The following PRSS23 variants were observed in gnomAD, a reference collection of about 807,000 sequenced individuals.
The protein encoded by PRSS23 is protease, serine 23.
In PRSS23, 25 loss-of-function variants were observed where a neutral mutation model predicts 34.7. The observed-to-expected ratio is 0.72, with a 90% CI of 0.53 to 1.01. PRSS23 has a LOEUF of 1.01. Among genes scored for constraint, PRSS23 ranks in the 50% least tolerant of loss-of-function variants. PRSS23 has a pLI of 0.00. For synonymous variants in PRSS23, 176 were observed against 186.6 expected, an observed-to-expected ratio of 0.94 and a Z score of 0.46; for missense variants, 445 against 475.6, an observed-to-expected ratio of 0.94 and a Z score of 0.60.
At chr11:86,920,099 C>T (rs1949038324) in intron 2 of PRSS23, among the ~76,000 whole-genome samples, 1 of 152,160 alleles carries the variant, frequency 6.6e-6, no homozygotes, top group African/African-American at 2.4e-5. Flanking sequence ...TTTAGGGCTG[C>T]TAGTGCAGTC....
At chr11:86,814,020 C>A (rs1747436249), downstream of PRSS23, among the ~76,000 whole-genome samples, 2 of 152,130 alleles carry the variant, frequency 1.3e-5, no homozygotes, top group South Asian at 4.1e-4. Context: ...TGGCTTGGGG[C>A]CTGAGCATCC....
At chr11:86,869,576 G>A (rs1277189825) in intron 2 of PRSS23, among the ~76,000 whole-genome samples, 1 of 152,086 alleles carries the variant, frequency 6.6e-6, no homozygotes, top group Non-Finnish European at 1.5e-5. Flanking sequence ...TTGACTGTTT[G>A]GGGAAATGGG....
At chr11:86,928,345 A>T (rs1167404221) in intron 2 of PRSS23, among the ~76,000 whole-genome samples, 2 of 148,350 alleles carry the variant, frequency 1.3e-5, no homozygotes, top group African/African-American at 4.9e-5. Flanking sequence ...GCATTACATT[A>T]ATATATATAT....
intron 2 of PRSS23, among the ~76,000 whole-genome samples, chr11:86,851,521 G>A (rs1948529347): frequency 6.6e-6 from 1 of 152,254 alleles, no homozygotes. Context: ...GGGCAGGTTG[G>A]ATGCAGGGAG....
rs544549329 is a variant in PRSS23, at chr11:86,827,234, A to G, written c.206+3641A>G. Reference sequence around the variant, plus strand: ...GGTTTAGTCTTGGGAGGGTGTATGCATCGAGGAATTTATCCATTTCTTCCA... The same window carrying G: ...GGTTTAGTCTTGGGAGGGTGTATGCGTCGAGGAATTTATCCATTTCTTCCA... On this transcript the variant is annotated intron_variant, in intron 2 of 2. Coordinates refer to the PRSS23 transcript ENST00000533902. 5.3e-5 allele frequency among the ~76,000 whole-genome samples: 8 copies of G among 152,248 alleles called. No homozygotes were observed. The East Asian group carries it at 7.7e-4, about 15-fold the overall frequency.
intron 2 of PRSS23, among the ~76,000 whole-genome samples, chr11:86,847,753 G>A (rs1948498489): frequency 6.6e-6 from 1 of 152,168 alleles, no homozygotes; most frequent in African/African-American, 2.4e-5. Context: ...GAGAAACTTG[G>A]CCCCCTGAGG....
At chr11:86,917,211 C>T (rs142702207) in intron 2 of PRSS23, among the ~76,000 whole-genome samples, 4,387 of 152,206 alleles carry the variant, frequency 0.029, 76 homozygotes, top group African/African-American at 0.051. Flanking sequence ...CCCAGCTACT[C>T]GGGAGACTGA....
intron 2 of PRSS23, among the ~76,000 whole-genome samples, chr11:86,840,050 CA>C (rs921208882): frequency 1.3e-5 from 2 of 151,746 alleles, no homozygotes; most frequent in Non-Finnish European, 2.9e-5. Context: ...AATTAATGGA[CA>C]AAATAACCAG....
At chr11:86,939,098 TC>T (rs1485871951) in intron 2 of PRSS23, 2 of 416,394 alleles carry the variant, frequency 4.8e-6, no homozygotes, top group Admixed American at 3.1e-5. Flanking sequence ...GAATCATCAA[TC>T]AAGAGAAGAG....
At chr11:86,892,150 G>A (rs946446485) in intron 2 of PRSS23, 2 of 152,228 alleles carry the variant, frequency 1.3e-5, no homozygotes, top group African/African-American at 2.4e-5. Flanking sequence ...CAACTAATGG[G>A]ACAGGAGCTT....
intron 2 of PRSS23, among the ~76,000 whole-genome samples, chr11:86,830,318 G>T (rs1948343062): frequency 1.3e-5 from 2 of 152,224 alleles, no homozygotes; most frequent in South Asian, 4.1e-4. Context: ...TAATCTCCTT[G>T]TGCATCGTTT....
chr11:86,844,147 A>G (rs12797787), intron 2 of PRSS23, among the ~76,000 whole-genome samples: 9,160 of 152,278 alleles, frequency 0.06, 347 homozygotes, highest in Middle Eastern at 0.099. Flanking sequence ...CATCATTGTA[A>G]GCAAAGTGTC....
At chr11:86,888,008 C>T (rs944257536) in intron 2 of PRSS23, among the ~76,000 whole-genome samples, 17 of 151,110 alleles carry the variant, frequency 1.1e-4, no homozygotes, top group Middle Eastern at 3.4e-3. Flanking sequence ...ACCAAGATTG[C>T]GCCATTGCAC....
At chr11:86,951,208 C>T in intron 2 of PRSS23, 4 of 1,614,068 alleles carry the variant, frequency 2.5e-6, no homozygotes, top group Non-Finnish European at 2.5e-6. Context: ...CTCTCTTTAC[C>T]TTTCCAGAAT....
intron 2 of PRSS23, among the ~76,000 whole-genome samples, chr11:86,889,521 A>G (rs1203547118): frequency 6.6e-6 from 1 of 152,182 alleles, no homozygotes; most frequent in Non-Finnish European, 1.5e-5. Flanking sequence ...AGGTGGAAGG[A>G]ATGGAAGGAG....
chr11:86,823,452 G>T (rs547527417), exon 2 of PRSS23: 1 of 702,348 alleles, frequency 1.4e-6, no homozygotes, highest in Non-Finnish European at 2.6e-6. Context: ...ACTGTGAAGC[G>T]AGAGGGCTCA....
chr11:86,823,380 G>A (rs1008814190), exon 2 of PRSS23: 4 of 702,198 alleles, frequency 5.7e-6, no homozygotes, highest in Admixed American at 2.0e-5. Flanking sequence ...ACTTCAGATG[G>A]CTCCCTAATG....
intron 2 of PRSS23, among the ~76,000 whole-genome samples, chr11:86,905,991 T>TTCAC (rs1444288029): frequency 1.3e-5 from 2 of 151,862 alleles, no homozygotes; most frequent in Non-Finnish European, 2.9e-5. Context: ...ATGACATTCA[T>TTCAC]TCACTCATTC....
chr11:86,822,350 G>T (rs1421167280), intron 1 of PRSS23, among the ~76,000 whole-genome samples: 1 of 152,166 alleles, frequency 6.6e-6, no homozygotes, highest in Non-Finnish European at 1.5e-5. Context: ...GCCAGGCATG[G>T]TGGCTCACGC....
Sources: allele counts gnomAD v4.1 joint callset (sites outside exome capture counted in the v4.1 genomes callset), GRCh38; gene constraint gnomAD v4.1.1; transcripts MANE v1.5; gene names NCBI Gene and HGNC (gene_info 2026-07-23, HGNC 2026-07-21).